PLS1: variants seen among roughly 807,000 people sequenced by gnomAD.
PLS1 encodes plastin-1.
PLS1 carries 32 observed loss-of-function variants against 73.7 expected under a neutral mutation model. The observed-to-expected ratio is 0.43, with a 90% CI of 0.33 to 0.58. The LOEUF (loss-of-function observed/expected upper bound fraction) is 0.58. Ranked by LOEUF, PLS1 falls within the 20% of genes least tolerant of loss-of-function variation. The pLI, the probability that PLS1 is intolerant of heterozygous loss-of-function variation, is 0.04. For missense variants in PLS1, 633 were observed against 740.5 expected, an observed-to-expected ratio of 0.85 and a Z score of 1.68; for synonymous variants, 217 against 261.3, an observed-to-expected ratio of 0.83 and a Z score of 1.63.
intron 6 of PLS1, 140 bp downstream of exon 6, chr3:142,678,253 C>T (rs914220904): frequency 2.9e-6 from 1 of 341,322 alleles, no homozygotes; most frequent in African/African-American, 2.2e-5. Flanking sequence ...TTTTTGGAAT[C>T]CTTTTTTTTA....
At chr3:142,625,517 T>G (rs947398986) in intron 1 of PLS1, among the ~76,000 whole-genome samples, 2 of 152,150 alleles carry the variant, frequency 1.3e-5, no homozygotes, top group African/African-American at 4.8e-5. Flanking sequence ...CCTTTTCAAA[T>G]GTTGGAGCGG....
intron 1 of PLS1, among the ~76,000 whole-genome samples, chr3:142,663,806 A>C (rs958827364): frequency 3.3e-5 from 5 of 152,218 alleles, no homozygotes; most frequent in African/African-American, 4.8e-5. Context: ...TTTTTTGTAG[A>C]CATTATTCGT....
chr3:142,652,460 A>G (rs563602763), intron 1 of PLS1, among the ~76,000 whole-genome samples: 61 of 152,290 alleles, frequency 4.0e-4, no homozygotes, highest in Non-Finnish European at 8.1e-4. Flanking sequence ...TCTACCAACA[A>G]AGAGGCAAAG....
chr3:142,682,537 C>T (rs1009741379), intron 6 of PLS1, among the ~76,000 whole-genome samples: 1 of 152,078 alleles, frequency 6.6e-6, no homozygotes, highest in Non-Finnish European at 1.5e-5. Context: ...TTCTTTTGGC[C>T]CACAGTACCA....
rs895533094 is a variant in PLS1, at chr3:142,654,782, G to A, written c.-36-9420G>A. ...CACAGTAAAGAGGTACAGCAAACAA[G>A]TGCTCAATAAGTTGTTGTTGAATAA... On this transcript the variant is annotated intron_variant, in intron 1 of 15. Transcript: ENST00000457734. 62 of 152,188 alleles carry A rather than the reference G, an allele frequency of 4.1e-4. 1 individual carries two copies. Among genetic ancestry groups the A allele is most frequent in the African/African-American group, 1.5e-3 (61 of 41,452 alleles). 9.4% of individuals were successfully genotyped at this position (152,188 alleles called of 1,614,324 possible).
chr3:142,657,768 G>A (rs936284403), intron 1 of PLS1, among the ~76,000 whole-genome samples: 3 of 152,136 alleles, frequency 2.0e-5, no homozygotes, highest in East Asian at 1.9e-4. Flanking sequence ...GATTTCAGGC[G>A]TGAGCCACCA....
chr3:142,600,947 G>A (rs1365261387), intron 1 of PLS1, among the ~76,000 whole-genome samples: 4 of 50,852 alleles, frequency 7.9e-5, no homozygotes, highest in African/African-American at 1.9e-4. Context: ...TTTTTGAGAC[G>A]GAGTCTCGCT....
chr3:142,663,369 G>A (rs2107825024), intron 1 of PLS1, among the ~76,000 whole-genome samples: 1 of 152,294 alleles, frequency 6.6e-6, no homozygotes, highest in African/African-American at 2.4e-5. Flanking sequence ...ACCACCTTGT[G>A]ACTTTTCCTA....
intron 6 of PLS1, among the ~76,000 whole-genome samples, chr3:142,683,421 G>A (rs1443533547): frequency 2.0e-5 from 3 of 152,168 alleles, no homozygotes; most frequent in Non-Finnish European, 4.4e-5. Flanking sequence ...GGAGAATGGC[G>A]TGAGCCCAGG....
chr3:142,685,513 T>G (rs1246045185), intron 8 of PLS1, among the ~76,000 whole-genome samples: 1 of 152,234 alleles, frequency 6.6e-6, no homozygotes, highest in East Asian at 1.9e-4. Flanking sequence ...AGCTGTCAGT[T>G]GGGCTCATCT....
intron 1 of PLS1, among the ~76,000 whole-genome samples, chr3:142,632,057 T>C (rs946227875): frequency 2.0e-5 from 3 of 152,126 alleles, no homozygotes; most frequent in Admixed American, 6.5e-5. Flanking sequence ...GGCAAAAGAT[T>C]GGAGTAGATG....
intron 11 of PLS1, among the ~76,000 whole-genome samples, chr3:142,696,384 C>A (rs1486935257): frequency 6.6e-6 from 1 of 152,098 alleles, no homozygotes; most frequent in African/African-American, 2.4e-5. Flanking sequence ...AGAACTGTTA[C>A]TTTCAGAAAA....
chr3:142,653,545 G>A (rs940836666), intron 1 of PLS1, among the ~76,000 whole-genome samples: 2 of 151,584 alleles, frequency 1.3e-5, no homozygotes, highest in Non-Finnish European at 2.9e-5. Flanking sequence ...ATTTTTTTTA[G>A]TAGAGATGGG....
At chr3:142,659,510 T>C (rs1340029300) in intron 1 of PLS1, among the ~76,000 whole-genome samples, 1 of 152,168 alleles carries the variant, frequency 6.6e-6, no homozygotes, top group Non-Finnish European at 1.5e-5. Flanking sequence ...TTAAATGTTT[T>C]ACCAAAATTG....
chr3:142,704,674 A>G lies in PLS1; in HGVS notation c.1629+88A>G, dbSNP rs572231850. 1.1e-4 allele frequency: 57 copies of G among 537,828 alleles called. No homozygotes were observed. The South Asian group carries it at 1.3e-3, about 12-fold the overall frequency. 33.3% of individuals were successfully genotyped at this position (537,828 alleles called of 1,614,324 possible). On this transcript the variant is annotated intron_variant, in intron 14 of 15. Transcript: ENST00000457734. ...TTTTTTTTTTTTTTTTTGGAGATGG[A>G]GTCTCGCTCTGTCACCCAGGCTGGT...
chr3:142,664,878 T>G (rs1324720944), intron 2 of PLS1, among the ~76,000 whole-genome samples: 3 of 152,214 alleles, frequency 2.0e-5, no homozygotes, highest in Non-Finnish European at 4.4e-5. Context: ...TTTGTATTTT[T>G]CTTCCAAAAA....
chr3:142,669,688 T>C (rs376187302), intron 3 of PLS1, 135 bp downstream of exon 3: 1 of 457,998 alleles, frequency 2.2e-6, no homozygotes. Context: ...ATGATGATGA[T>C]GACAATAACT....
At chr3:142,658,910 T>C (rs1263409846) in intron 1 of PLS1, among the ~76,000 whole-genome samples, 1 of 152,216 alleles carries the variant, frequency 6.6e-6, no homozygotes, top group Non-Finnish European at 1.5e-5. Context: ...GGAATGCTAA[T>C]TGAACTACAT....
chr3:142,672,674 T>A (rs2037630671), intron 4 of PLS1, among the ~76,000 whole-genome samples: 1 of 152,202 alleles, frequency 6.6e-6, no homozygotes, highest in Admixed American at 6.5e-5. Context: ...TATGGCTTGA[T>A]GATTTCTTTT....
Sources: gnomAD v4.1 joint callset for allele counts (sites outside exome capture counted in the v4.1 genomes callset) on GRCh38, gnomAD v4.1.1 for gene constraint, MANE v1.5 for transcripts, NCBI Gene and HGNC (gene_info 2026-07-23, HGNC 2026-07-21) for gene names.